The following FCHSD2 variants were observed in gnomAD, a reference collection of about 807,000 sequenced individuals.
FCHSD2 encodes the protein F-BAR and double SH3 domains protein 2.
In FCHSD2, 38 loss-of-function variants were observed where a neutral mutation model predicts 108.1. That is an observed-to-expected ratio of 0.35 (90% CI 0.27 to 0.46). FCHSD2 has a LOEUF of 0.46. Among genes scored for constraint, FCHSD2 ranks in the 20% least tolerant of loss-of-function variants. The probability of loss-of-function intolerance (pLI) is 1.00; values close to 1 mark genes in which losing one functional copy is unlikely to be tolerated. For missense variants in FCHSD2, 751 were observed against 897.8 expected (o/e 0.84, Z 2.09); for synonymous variants, 279 against 314.7 (o/e 0.89, Z 1.20).
intron 3 of FCHSD2, among the ~76,000 whole-genome samples, chr11:73,061,084 T>C (rs892909660): frequency 4.6e-5 from 7 of 152,220 alleles, no homozygotes; most frequent in African/African-American, 1.7e-4. Flanking sequence ...AGAAGGCAGA[T>C]GATTTCTGCA....
chr11:73,050,708 T>C (rs1457709963), intron 3 of FCHSD2, among the ~76,000 whole-genome samples: 1 of 152,158 alleles, frequency 6.6e-6, no homozygotes, highest in East Asian at 1.9e-4. Flanking sequence ...TAAAGTCCCT[T>C]TATATTGGTT....
chr11:72,961,243 G>GT (rs1856813517), intron 8 of FCHSD2, among the ~76,000 whole-genome samples: 1 of 151,940 alleles, frequency 6.6e-6, no homozygotes, highest in African/African-American at 2.4e-5. Context: ...CTTTTTGTTT[G>GT]TTTTTTGAGA....
chr11:73,071,905 A>C lies in FCHSD2; in HGVS notation c.165+11790T>G, dbSNP rs117794201. On this transcript the variant is annotated intron_variant, in intron 3 of 19. Coordinates refer to ENST00000409418, the MANE Select transcript of FCHSD2 (RefSeq NM_014824.3). ...GAACAGTGCCTGACACATGATCTTA[A>C]TATATGTTCTTTAACCCAAAATACA... 6.9e-4 allele frequency among the ~76,000 whole-genome samples: 105 copies of C among 152,244 alleles called. 7 individuals carry two copies. In the East Asian group the frequency reaches 0.01, roughly 15 times the overall value.
chr11:72,985,176 T>A (rs1857287664), intron 6 of FCHSD2, 60 bp from the exon 7 acceptor site: 1 of 405,360 alleles, frequency 2.5e-6, no homozygotes, highest in Admixed American at 4.5e-5. Flanking sequence ...ACAATAAAAT[T>A]ACTAAATATA....
intron 3 of FCHSD2, among the ~76,000 whole-genome samples, chr11:73,045,724 C>T (rs1324153605): frequency 4.0e-5 from 6 of 150,756 alleles, no homozygotes; most frequent in Non-Finnish European, 8.8e-5. Flanking sequence ...ACAATGAGAT[C>T]ACATGGACAC....
intron 4 of FCHSD2, among the ~76,000 whole-genome samples, chr11:73,007,227 A>G (rs956429449): frequency 1.3e-5 from 2 of 152,336 alleles, no homozygotes; most frequent in Admixed American, 6.5e-5. Flanking sequence ...ATTCATCCAT[A>G]TACCACCTAA....
intron 8 of FCHSD2, among the ~76,000 whole-genome samples, chr11:72,943,762 C>T (rs1320815454): frequency 6.6e-6 from 1 of 152,126 alleles, no homozygotes; most frequent in Non-Finnish European, 1.5e-5. Context: ...GAATAAGATA[C>T]ATAAACATTG....
At chr11:72,995,398 T>A (rs891883923) in intron 5 of FCHSD2, among the ~76,000 whole-genome samples, 3 of 151,950 alleles carry the variant, frequency 2.0e-5, no homozygotes, top group Non-Finnish European at 4.4e-5. Context: ...GCTACAATTT[T>A]GATATTAAGA....
chr11:73,011,365 G>A (rs1857860056), intron 4 of FCHSD2, among the ~76,000 whole-genome samples: 1 of 152,112 alleles, frequency 6.6e-6, no homozygotes, highest in African/African-American at 2.4e-5. Flanking sequence ...CTAGCAGGTG[G>A]GGAACATGTG....
chr11:73,035,508 T>A (rs1195587189), intron 3 of FCHSD2, among the ~76,000 whole-genome samples: 1 of 151,992 alleles, frequency 6.6e-6, no homozygotes, highest in Non-Finnish European at 1.5e-5. Flanking sequence ...ATCTCAGAAA[T>A]AAAGATAGTT....
chr11:72,850,920 C>T (rs886281257), intron 13 of FCHSD2, among the ~76,000 whole-genome samples: 2 of 151,056 alleles, frequency 1.3e-5, no homozygotes, highest in Non-Finnish European at 3.0e-5. Flanking sequence ...TGAAACCTAA[C>T]CCCATCTCTA....
At chr11:73,011,396 G>A (rs7933734) in intron 4 of FCHSD2, among the ~76,000 whole-genome samples, 1 of 152,132 alleles carries the variant, frequency 6.6e-6, no homozygotes, top group Non-Finnish European at 1.5e-5. Flanking sequence ...GCTAGCAGGT[G>A]GGGAATACTT....
At chr11:72,888,859 C>G (rs956868366) in intron 11 of FCHSD2, among the ~76,000 whole-genome samples, 1 of 152,172 alleles carries the variant, frequency 6.6e-6, no homozygotes, top group African/African-American at 2.4e-5. Flanking sequence ...CTGGTTCAAG[C>G]AATCCACTTG....
chr11:73,060,719 C>A (rs1051217807), intron 3 of FCHSD2, among the ~76,000 whole-genome samples: 104 of 152,274 alleles, frequency 6.8e-4, no homozygotes, highest in African/African-American at 2.4e-3. Context: ...AATAAGATAA[C>A]TATTTCCCCT....
At chr11:72,889,115 C>T (rs1015738070) in intron 11 of FCHSD2, among the ~76,000 whole-genome samples, 5 of 152,098 alleles carry the variant, frequency 3.3e-5, no homozygotes, top group East Asian at 3.9e-4. Flanking sequence ...CCACCACACT[C>T]GGCTAATTTT....
chr11:73,002,070 T>G (rs183063407), intron 4 of FCHSD2, among the ~76,000 whole-genome samples: 48 of 152,336 alleles, frequency 3.2e-4, no homozygotes, highest in Admixed American at 2.7e-3. Flanking sequence ...TCCTGAGATT[T>G]CCCTTTTGTG....
intron 5 of FCHSD2, among the ~76,000 whole-genome samples, chr11:72,999,029 C>A (rs1407984652): frequency 6.6e-6 from 1 of 152,170 alleles, no homozygotes; most frequent in Non-Finnish European, 1.5e-5. Context: ...AAAAGCAGAG[C>A]TAATGGATGG....
intron 3 of FCHSD2, among the ~76,000 whole-genome samples, chr11:73,072,454 A>G (rs1382946686): frequency 1.3e-5 from 2 of 152,154 alleles, no homozygotes; most frequent in African/African-American, 4.8e-5. Flanking sequence ...AAGTTTTTAA[A>G]AACTTAAAAA....
Position 72,932,649 on chromosome 11 carries a change from A to G in FCHSD2, c.706-10699T>C, listed in dbSNP as rs186477637. Among the ~76,000 whole-genome samples, 3 of 152,198 alleles carry G rather than the reference A, an allele frequency of 2.0e-5. No individual in the cohort carries two copies. The East Asian group carries it at 5.8e-4, about 29-fold the overall frequency. ...TCAGCCTTAGTCTCTTCACTTAATC[A>G]TCTACTTGGATATCTCTATTGTCTT... On this transcript the variant is annotated intron_variant, in intron 8 of 19. Transcript: ENST00000409418.
Sources: allele counts gnomAD v4.1 joint callset (sites outside exome capture counted in the v4.1 genomes callset), GRCh38; gene constraint gnomAD v4.1.1; transcripts MANE v1.5; gene names NCBI Gene and HGNC (gene_info 2026-07-23, HGNC 2026-07-21).